DNTTIP1: variants seen among roughly 807,000 people sequenced by gnomAD.
The protein encoded by DNTTIP1 is deoxynucleotidyltransferase terminal-interacting protein 1.
Under a neutral mutation model 52.9 loss-of-function variants are expected in DNTTIP1, and 22 were observed. That is an observed-to-expected ratio of 0.42 (90% CI 0.30 to 0.59). DNTTIP1 has a LOEUF of 0.59. Among genes scored for constraint, DNTTIP1 ranks in the 20% least tolerant of loss-of-function variants. The pLI is 0.22. For synonymous variants in DNTTIP1, 136 were observed against 155.1 expected (o/e 0.88, Z 0.92); for missense variants, 286 against 435.5 (o/e 0.66, Z 3.06).
chr20:45,806,265 AG>A (rs1156394881), intron 10 of DNTTIP1, among the ~76,000 whole-genome samples: 1 of 151,454 alleles, frequency 6.6e-6, no homozygotes, highest in Non-Finnish European at 1.5e-5. Context: ...CTGAGGCAGG[AG>A]AATCGCTTAA....
intron 4 of DNTTIP1, among the ~76,000 whole-genome samples, chr20:45,799,887 C>T (rs1336115241): frequency 6.8e-6 from 1 of 146,584 alleles, no homozygotes; most frequent in Non-Finnish European, 1.5e-5. Flanking sequence ...GCGGGCAGAT[C>T]ACGAGGTCAG....
At chr20:45,804,680 A>G (rs1981577885) in intron 8 of DNTTIP1, among the ~76,000 whole-genome samples, 1 of 152,174 alleles carries the variant, frequency 6.6e-6, no homozygotes, top group African/African-American at 2.4e-5. Flanking sequence ...CAGAATTACT[A>G]GTAGTTTCTC....
intron 8 of DNTTIP1, among the ~76,000 whole-genome samples, chr20:45,804,775 A>C (rs1288913047): frequency 6.6e-6 from 1 of 151,840 alleles, no homozygotes; most frequent in Non-Finnish European, 1.5e-5. Context: ...CTTTACCCCA[A>C]CTTGTGCTCA....
chr20:45,807,087 T>C (rs1046723797), intron 10 of DNTTIP1, among the ~76,000 whole-genome samples: 1 of 152,084 alleles, frequency 6.6e-6, no homozygotes, highest in African/African-American at 2.4e-5. Context: ...TCTGAGTCTG[T>C]TTTTGTCCTG....
At chr20:45,799,237 A>G (rs1376906421) in intron 4 of DNTTIP1, among the ~76,000 whole-genome samples, 1 of 152,234 alleles carries the variant, frequency 6.6e-6, no homozygotes, top group African/African-American at 2.4e-5. Flanking sequence ...GAGGATAGGG[A>G]AAAGAACCAG....
In DNTTIP1 at chr20:45,802,037, C is replaced by T. The variant is rs757830632; in HGVS notation, c.537C>T (p.Asp179=). ...CTCCTGGACACATCCTGTCAAGCGA[C>T]CGGGCAGCCGCCGGCATGGTGTGAG... ...GRPPGHILSS[D]RAAAGMVWKP... The change falls in exon 7 of 13, where the codon GAC becomes GAT. Residue 179 remains aspartate (D), a synonymous_variant. Transcript: ENST00000372622. 3 of 1,613,996 alleles carry T rather than the reference C, an allele frequency of 1.9e-6. No homozygotes were observed. The highest frequency in any genetic ancestry group is 2.5e-6 in the Non-Finnish European group (3 of 1,180,032).
intron 10 of DNTTIP1, among the ~76,000 whole-genome samples, chr20:45,808,485 A>G (rs1473789564): frequency 6.6e-6 from 1 of 152,008 alleles, no homozygotes; most frequent in East Asian, 1.9e-4. Context: ...TACTAAAAAT[A>G]CAAAATTAGC....
At position 45,810,866 on chromosome 20, in the gene DNTTIP1, T is replaced by C; in HGVS notation, c.796-19T>C. The stretch of plus-strand genomic sequence containing the variant: ...GAAATGAATCAGGCAATGACCACTC[T>C]CCCTTGCTCCTGCCTCAGGCCTACC... On this transcript the variant is annotated intron_variant, in intron 11 of 12. Transcript: ENST00000372622. 6.2e-7 allele frequency: 1 copy of C among 1,613,030 alleles called. No homozygotes were observed.
At chr20:45,802,701 T>C (rs771351998) in intron 7 of DNTTIP1, among the ~76,000 whole-genome samples, 33 of 152,162 alleles carry the variant, frequency 2.2e-4, no homozygotes, top group South Asian at 4.1e-4. Flanking sequence ...CTTGGTATTG[T>C]ACATGAACTT....
At chr20:45,808,026 C>A (rs559270155) in intron 10 of DNTTIP1, among the ~76,000 whole-genome samples, 1 of 151,942 alleles carries the variant, frequency 6.6e-6, no homozygotes, top group African/African-American at 2.4e-5. Flanking sequence ...TTTCTAGGTG[C>A]CCAACCTAGA....
chr20:45,792,011 G>C lies in DNTTIP1; in HGVS notation c.7G>C (p.Ala3Pro). ...TGTGGGGGCCGGGGGCGCCATGGGA[G>C]CCACTGGCGACGCCGAGCAGCCGCG... is the stretch of plus-strand genomic sequence containing the variant. MG[A>P]TGDAEQPRGP... is the part of the protein sequence containing the mutation. Residue 3 changes from alanine (A) to proline (P), a missense_variant, in exon 1 of 13, where the codon GCC becomes CCC. This residue lies in a region of DNTTIP1 where 208 missense variants were observed against 266.5 expected (regional missense o/e 0.78). Coordinates refer to ENST00000372622, the MANE Select transcript of DNTTIP1 (RefSeq NM_052951.3). 1 of 1,263,772 alleles carries C rather than the reference G, an allele frequency of 7.9e-7. No homozygotes were observed. The highest frequency in any genetic ancestry group is 1.0e-6 in the Non-Finnish European group (1 of 1,003,308). The allele number at this position is 1,263,772 out of a possible 1,614,324, so 78.3% of individuals were successfully genotyped here.
chr20:45,803,175 T>A (rs564391365), intron 7 of DNTTIP1, 158 bp from the exon 8 acceptor site: 5 of 676,780 alleles, frequency 7.4e-6, no homozygotes, highest in Non-Finnish European at 1.3e-5. Context: ...GTCCAGTGCT[T>A]TTTTTCCCTT....
At chr20:45,793,323 G>A (rs1469356523) in intron 2 of DNTTIP1, among the ~76,000 whole-genome samples, 1 of 152,230 alleles carries the variant, frequency 6.6e-6, no homozygotes, top group Non-Finnish European at 1.5e-5. Flanking sequence ...AGCACTTTGG[G>A]AGGCTGAGGT....
At chr20:45,796,387 CAA>C (rs11477536) in intron 4 of DNTTIP1, 22,126 of 356,820 alleles carry the variant, frequency 0.062, no homozygotes, top group Non-Finnish European at 0.076. Flanking sequence ...AAAAGCAAAG[CAA>C]AAAAAAAAAA....
At chr20:45,811,026 C>T (rs1228154945) in intron 12 of DNTTIP1, 31 bp from the exon 13 acceptor site, 1 of 1,613,224 alleles carries the variant, frequency 6.2e-7, no homozygotes, top group Admixed American at 1.7e-5. Context: ...TCCTCACTTC[C>T]CCCAACTTCT....
intron 4 of DNTTIP1, 82 bp downstream of exon 4, chr20:45,795,525 G>A (rs41282762): frequency 0.05 from 42,776 of 850,848 alleles, 1,278 homozygotes; most frequent in Middle Eastern, 0.085. Flanking sequence ...TAAGCCGGAC[G>A]TGGTGGCTCA....
chr20:45,805,279 C>G, intron 9 of DNTTIP1, 27 bp from the exon 10 acceptor site: 1 of 1,614,170 alleles, frequency 6.2e-7, no homozygotes, highest in Non-Finnish European at 8.5e-7. Flanking sequence ...TTTCTGGAAT[C>G]TTGACCACTT....
Position 45,800,694 on chromosome 20 carries a change from AATATATATATATATATATATAT to A in DNTTIP1, c.373-339_373-318del, listed in dbSNP as rs1158615012. ...CATCTCAATTTAAAAAAAAAAAAAA[AATATATATATATATATATATAT>A]ATATATATATATATATATATATATA... On this transcript the variant is annotated intron_variant, in intron 4 of 12. Coordinates refer to ENST00000372622, the MANE Select transcript of DNTTIP1 (RefSeq NM_052951.3). Among the ~76,000 whole-genome samples, 32 of 16,406 alleles carry A rather than the reference AATATATATATATATATATATAT, an allele frequency of 2.0e-3. 2 individuals are homozygous for A. Among genetic ancestry groups the A allele is most frequent in the East Asian group, 6.3e-3 (2 of 316 alleles). The allele number at this position is 16,406 out of a possible 152,430, so 10.8% of individuals were successfully genotyped here.
chr20:45,791,958 T>G lies in DNTTIP1; in HGVS notation c.-47T>G. On this transcript the variant is annotated 5_prime_UTR_variant, in exon 1 of 13. Coordinates refer to ENST00000372622, the MANE Select transcript of DNTTIP1 (RefSeq NM_052951.3). The stretch of plus-strand genomic sequence containing the variant: ...CTCCAGTGACGTCACGGCGCCACTT[T>G]CCGGCCGGTGACAGAGTCCAGCGGA... The G allele has an allele frequency of 8.4e-7, 1 of 1,191,048 alleles. No homozygotes were observed. Among genetic ancestry groups the G allele is most frequent in the Non-Finnish European group, 1.1e-6 (1 of 948,246 alleles). The allele number at this position is 1,191,048 out of a possible 1,614,324, so 73.8% of individuals were successfully genotyped here.
Sources: gnomAD v4.1 joint callset for allele counts (sites outside exome capture counted in the v4.1 genomes callset) on GRCh38, gnomAD v4.1.1 for gene constraint, gnomAD v4.1.1 regional missense constraint, MANE v1.5 for transcripts, NCBI Gene and HGNC (gene_info 2026-07-23, HGNC 2026-07-21) for gene names.